The following ERN2 variants were observed in gnomAD, a reference collection of about 807,000 sequenced individuals.
The protein encoded by ERN2 is serine/threonine-protein kinase/endoribonuclease IRE2.
Under a neutral mutation model 107.9 loss-of-function variants are expected in ERN2, and 111 were observed. The ratio of observed to expected loss-of-function variants is 1.03; its 90% CI spans 0.88 to 1.20. The LOEUF (loss-of-function observed/expected upper bound fraction) is 1.20, where lower values mean the gene tolerates loss of function less well. Ranked by LOEUF, ERN2 falls within the 50% of genes most tolerant of loss-of-function variation. The pLI is 0.00. For missense variants in ERN2, 1,225 were observed against 1,197.9 expected, an observed-to-expected ratio of 1.02 and a Z score of -0.33; for synonymous variants, 524 against 501.7, an observed-to-expected ratio of 1.04 and a Z score of -0.59.
intron 13 of ERN2, among the ~76,000 whole-genome samples, chr16:23,699,976 A>T: frequency 6.6e-6 from 1 of 152,216 alleles, no homozygotes; most frequent in East Asian, 1.9e-4. Flanking sequence ...AGAGGTAAAC[A>T]GAGAGCAGCC....
chr16:23,696,196 T>G (rs1959820376), intron 13 of ERN2, among the ~76,000 whole-genome samples: 1 of 152,242 alleles, frequency 6.6e-6, no homozygotes, highest in Non-Finnish European at 1.5e-5. Context: ...CTCACTTCTG[T>G]GCCCTCGGTA....
intron 13 of ERN2, among the ~76,000 whole-genome samples, chr16:23,697,904 T>G (rs1959895907): frequency 6.6e-6 from 1 of 151,938 alleles, no homozygotes; most frequent in Non-Finnish European, 1.5e-5. Flanking sequence ...TACAGGCATG[T>G]GCCTCCATGC....
chr16:23,690,892 A>C lies in ERN2; in HGVS notation c.2720T>G (p.Leu907Arg), dbSNP rs773544513. ...MRSCASESLF[L>R]PYYPPDSEAR... ...CTCTGAGTCTGGCGGGTAGTAGGGCAGGAAGAGGCTCTCAGAGGCGCAGCT... is the reference window on the plus strand; with the variant it reads ...CTCTGAGTCTGGCGGGTAGTAGGGCCGGAAGAGGCTCTCAGAGGCGCAGCT... Residue 907 changes from leucine to arginine, a missense_variant, in exon 22 of 22, where the codon CTG (leucine) becomes CGG (arginine). By Grantham distance (102) the Leu-to-Arg change is moderately radical (BLOSUM62 -2). Coordinates refer to ENST00000256797, the MANE Select transcript of ERN2 (RefSeq NM_033266.4). 3 of 1,614,026 alleles carry C rather than the reference A, an allele frequency of 1.9e-6. No homozygotes were observed. The highest frequency in any genetic ancestry group is 2.5e-6 in the Non-Finnish European group (3 of 1,180,028).
intron 13 of ERN2, among the ~76,000 whole-genome samples, chr16:23,698,358 C>G (rs1274688511): frequency 6.6e-6 from 1 of 152,210 alleles, no homozygotes; most frequent in Non-Finnish European, 1.5e-5. Flanking sequence ...TAATAACATT[C>G]ACCTCACAGG....
intron 1 of ERN2, chr16:23,712,399 C>T: frequency 5.8e-6 from 1 of 171,666 alleles, no homozygotes; most frequent in South Asian, 1.1e-4. Context: ...CCGATCTGGC[C>T]ACACTGGGCT....
At chr16:23,701,987 A>AACG (rs1960086412) in intron 11 of ERN2, among the ~76,000 whole-genome samples, 165 bp downstream of exon 11, 2 of 83,808 alleles carry the variant, frequency 2.4e-5, no homozygotes, top group South Asian at 1.3e-3. Context: ...CAACAACAAC[A>AACG]ACAACAAGTT....
In ERN2 at chr16:23,694,760, C is replaced by A; in HGVS notation, c.2068G>T (p.Glu690Ter). Residue 690 changes from glutamate (E) to a stop codon, truncating the protein, a stop_gained, in exon 17 of 22, where the codon GAG (glutamate) becomes TAG (stop). Transcript: ENST00000256797. LOFTEE classifies it high-confidence loss of function. ...IPGTEGWMAP[E>*]LLQLLPPDSP... ...TCTGGTGGCAGGAGCTGCAGAAGCT[C>A]GGGCGCCATCCAGCCTTCCGTGCCG... 1 of 1,610,438 alleles carries A rather than the reference C, an allele frequency of 6.2e-7. No individual in the cohort carries two copies. Among genetic ancestry groups the A allele is most frequent in the Non-Finnish European group, 8.5e-7 (1 of 1,179,032 alleles).
chr16:23,711,041 T>C (rs768059763), intron 1 of ERN2, 23 bp from the exon 2 acceptor site: 1 of 1,565,674 alleles, frequency 6.4e-7, no homozygotes. Flanking sequence ...AGAGACAAAG[T>C]CAGCTCTCTG....
At position 23,691,372 on chromosome 16, in the gene ERN2, T is replaced by C. The variant is rs748730315; in HGVS notation, c.2430A>G (p.Ala810=). 40 of 1,603,000 alleles carry C rather than the reference T, an allele frequency of 2.5e-5. No homozygotes were observed. The highest frequency in any genetic ancestry group is 3.2e-5 in the Non-Finnish European group (38 of 1,179,894). Residue 810 remains alanine (A), a synonymous_variant, in exon 20 of 22, where the codon GCA becomes GCG. Transcript: ENST00000256797. ...CCACTGCGCAGCCTCCCGCCTCCAG[T>C]GCCCTCACCAGGGGCTCCTGCTCGG... is the stretch of plus-strand genomic sequence containing the variant. ...KESEQEPLVR[A]LEAGGCAVVR...
Position 23,705,146 on chromosome 16 carries a change from G to A in ERN2, c.591C>T (p.Tyr197=), listed in dbSNP as rs768168712. The A allele has an allele frequency of 8.1e-5, 131 of 1,610,832 alleles. No individual in the cohort carries two copies. Among genetic ancestry groups the A allele is most frequent in the Non-Finnish European group, 1.0e-4 (123 of 1,177,408 alleles). ...APPMDGSPGK[Y]MSHLASCGMG... The stretch of plus-strand genomic sequence containing the variant: ...TCCCGCAGGACGCCAGGTGGCTCAT[G>A]TCTGCCGAGAAAGGTGGCTGGGGAG... The change falls in exon 8 of 22, where the codon TAC becomes TAT. Residue 197 remains tyrosine, a splice_region_variant and synonymous_variant. Coordinates refer to ENST00000256797, the MANE Select transcript of ERN2 (RefSeq NM_033266.4).
chr16:23,701,968 C>A (rs907375357), intron 11 of ERN2, among the ~76,000 whole-genome samples, 184 bp downstream of exon 11: 19 of 74,432 alleles, frequency 2.6e-4, no homozygotes, highest in African/African-American at 5.2e-4. Context: ...GTGTTTCTGG[C>A]AGTAACAACA....
chr16:23,700,451 G>A (rs1959999968), intron 13 of ERN2, 88 bp downstream of exon 13: 3 of 1,378,086 alleles, frequency 2.2e-6, no homozygotes, highest in East Asian at 2.3e-5. Flanking sequence ...CCCCACTATA[G>A]TGGCTTTTAA....
In ERN2 at chr16:23,691,380, C is replaced by G; in HGVS notation, c.2422G>C (p.Val808Leu). ...CAGCCTCCCGCCTCCAGTGCCCTCA[C>G]CAGGGGCTCCTGCTCGGACTCCTTC... ...LEKESEQEPL[V>L]RALEAGGCAV... The change falls in exon 20 of 22, where the codon GTG becomes CTG. Residue 808 changes from valine to leucine, a missense_variant. Physicochemically the swap from Val to Leu is conservative, Grantham distance 32. Coordinates refer to ENST00000256797, the MANE Select transcript of ERN2 (RefSeq NM_033266.4). 1 of 1,602,146 alleles carries G rather than the reference C, an allele frequency of 6.2e-7. No individual in the cohort carries two copies. Among genetic ancestry groups the G allele is most frequent in the Non-Finnish European group, 8.5e-7 (1 of 1,179,886 alleles).
chr16:23,702,800 T>C (rs939427990), intron 8 of ERN2, 98 bp from the exon 9 acceptor site: 10 of 1,009,510 alleles, frequency 9.9e-6, no homozygotes, highest in Non-Finnish European at 1.4e-5. Context: ...CCCTCTCACA[T>C]TGACTCAGCT....
At position 23,699,171 on chromosome 16, in the gene ERN2, G is replaced by A. The variant is rs182263034; in HGVS notation, c.1525+1368C>T. Among the ~76,000 whole-genome samples, 518 of 152,260 alleles carry A rather than the reference G, an allele frequency of 3.4e-3. 1 individual carries two copies. The highest frequency in any genetic ancestry group is 5.5e-3 in the Non-Finnish European group (372 of 68,022). ...AATCCTGCTGCAGGGCCCTCTAAAA[G>A]AGCTGACCCCTGAGGAAGGGGAGCT... On this transcript the variant is annotated intron_variant, in intron 13 of 21. Transcript: ENST00000256797.
chr16:23,696,251 ATAT>A (rs1947065882), intron 13 of ERN2, among the ~76,000 whole-genome samples: 1 of 152,234 alleles, frequency 6.6e-6, no homozygotes, highest in Non-Finnish European at 1.5e-5. Flanking sequence ...AGCCCACACA[ATAT>A]TATTGTGAGG....
At position 23,691,232 on chromosome 16, in the gene ERN2, G is replaced by A. The variant is rs769203158; in HGVS notation, c.2501-36C>T. On this transcript the variant is annotated intron_variant, in intron 20 of 21. Transcript: ENST00000256797. The stretch of plus-strand genomic sequence containing the variant: ...GGAATTCAGTGGCAAAACCGTCCCT[G>A]CTAGACTCCCCTCCACCGCCCAGGC... 83 of 1,613,488 alleles carry A rather than the reference G, an allele frequency of 5.1e-5. 2 individuals carry two copies. In the South Asian group the frequency reaches 8.9e-4, roughly 17 times the overall value.
intron 11 of ERN2, among the ~76,000 whole-genome samples, chr16:23,701,638 CT>C (rs61424406): frequency 0.095 from 13,091 of 137,734 alleles, 1,648 homozygotes; most frequent in African/African-American, 0.31. Flanking sequence ...TAGTCAATGT[CT>C]TTTTTTTTTT....
rs373773481 is a variant in ERN2, at chr16:23,704,941, G to T, written c.796C>A (p.Pro266Thr). 2 of 1,613,744 alleles carry T rather than the reference G, an allele frequency of 1.2e-6. No homozygotes were observed. The highest frequency in any genetic ancestry group is 1.7e-6 in the Non-Finnish European group (2 of 1,180,040). ...GCTGTGTCCCGGGGGCCTGAGGCAGGCAGTCGGATGTGGCCCCAGCGGAGG... is the reference window on the plus strand; with the variant it reads ...GCTGTGTCCCGGGGGCCTGAGGCAGTCAGTCGGATGTGGCCCCAGCGGAGG... ...LALRWGHIRL[P>T]ASGPRDTATL... The change falls in exon 8 of 22, where the codon CCT becomes ACT. Residue 266 changes from proline (P) to threonine (T), a missense_variant. Coordinates refer to ENST00000256797, the MANE Select transcript of ERN2 (RefSeq NM_033266.4).
Sources: allele counts gnomAD v4.1 joint callset (sites outside exome capture counted in the v4.1 genomes callset), GRCh38; gene constraint gnomAD v4.1.1; transcripts MANE v1.5; gene names NCBI Gene and HGNC (gene_info 2026-07-23, HGNC 2026-07-21).